Variants in IRS1 observed in about 807,000 individuals in gnomAD.
IRS1 encodes the protein insulin receptor substrate 1.
IRS1 carries 34 observed loss-of-function variants against 65.6 expected under a neutral mutation model. That is an observed-to-expected ratio of 0.52 (90% CI 0.39 to 0.69). IRS1 has a LOEUF of 0.69. IRS1 is among the 30% of genes least tolerant of loss of function. The pLI, the probability that IRS1 is intolerant of heterozygous loss-of-function variation, is 0.00. For synonymous variants in IRS1, 699 were observed against 683.5 expected (o/e 1.02, Z -0.35); for missense variants, 1,641 against 1,720.2 (o/e 0.95, Z 0.81).
rs1939707063 is a variant in IRS1, at chr2:226,795,779, C to T, written c.2960G>A (p.Gly987Asp). Residue 987 changes from glycine (G) to aspartate (D), a missense_variant, in exon 1 of 2, where the codon GGT becomes GAT. Around this residue, in one of 3 missense-constraint regions of IRS1, gnomAD observed 1,324 missense variants for 1,361.0 expected, o/e 0.97. Coordinates refer to ENST00000305123, the MANE Select transcript of IRS1 (RefSeq NM_005544.3). ...ACTCATCTGCATGGTCATGTAGTCACCCCGGCTGCTGGGCACTGCCCGGGT... is the reference window on the plus strand; with the variant it reads ...ACTCATCTGCATGGTCATGTAGTCATCCCGGCTGCTGGGCACTGCCCGGGT... Reference protein sequence around the residue: ...RPTRAVPSSRGDYMTMQMSCP... With the variant: ...RPTRAVPSSRDDYMTMQMSCP... 4 of 1,613,302 alleles carry T rather than the reference C, an allele frequency of 2.5e-6. No homozygotes were observed. The East Asian group carries it at 8.9e-5, about 36-fold the overall frequency.
chr2:226,769,880 C>T (rs1212416811), intron 1 of IRS1, among the ~76,000 whole-genome samples: 2 of 152,146 alleles, frequency 1.3e-5, no homozygotes, highest in East Asian at 3.9e-4. Context: ...CATTGATCGC[C>T]TTACTGCCAT....
At chr2:226,748,511 T>C (rs1415115587) in intron 1 of IRS1, among the ~76,000 whole-genome samples, 1 of 144,998 alleles carries the variant, frequency 6.9e-6, no homozygotes, top group Non-Finnish European at 1.5e-5. Flanking sequence ...CTTTAAAAAA[T>C]AAATTCACTT....
Position 226,795,112 on chromosome 2 carries a change from T to C in IRS1, c.3627A>G (p.Gln1209=). ...AGCTGCTCTCACCGCTGCCCAGGGG[T>C]TGATGAGGGGGTGGGGGTGGGGGAG... ...PQPPPPPPPH[Q]PLGSGESSST... is the part of the protein sequence containing the mutation. Residue 1209 remains glutamine, a synonymous_variant, in exon 1 of 2, where the codon CAA becomes CAG. Transcript: ENST00000305123. The C allele has an allele frequency of 7.0e-7, 1 of 1,430,596 alleles. No individual in the cohort carries two copies. Among genetic ancestry groups the C allele is most frequent in the Non-Finnish European group, 9.5e-7 (1 of 1,057,848 alleles). 88.6% of individuals were successfully genotyped at this position (1,430,596 alleles called of 1,614,324 possible). A position where few individuals can be genotyped will look rare whatever the true frequency, so the allele number is the denominator to read the frequency against.
At chr2:226,769,471 G>A (rs1249258905) in intron 1 of IRS1, among the ~76,000 whole-genome samples, 1 of 152,198 alleles carries the variant, frequency 6.6e-6, no homozygotes. Context: ...CAGGCCTGCA[G>A]CACCCCAAGG....
chr2:226,755,920 A>T (rs1938787582), intron 1 of IRS1, among the ~76,000 whole-genome samples: 1 of 152,258 alleles, frequency 6.6e-6, no homozygotes, highest in African/African-American at 2.4e-5. Flanking sequence ...GGAGAGAAGC[A>T]CGGATGAGCC....
At chr2:226,790,851 A>G (rs184190787) in intron 1 of IRS1, among the ~76,000 whole-genome samples, 4 of 152,300 alleles carry the variant, frequency 2.6e-5, no homozygotes, top group African/African-American at 7.2e-5. Flanking sequence ...TGGAGGGTAC[A>G]CAACACAAAT....
chr2:226,786,247 G>C (rs1019611412), intron 1 of IRS1, among the ~76,000 whole-genome samples: 3 of 151,854 alleles, frequency 2.0e-5, no homozygotes, highest in Non-Finnish European at 4.4e-5. Flanking sequence ...ATAGTCCTTT[G>C]GGTATATACC....
Position 226,799,377 on chromosome 2 carries a change from C to T in IRS1, c.-639G>A, listed in dbSNP as rs1375617421. The T allele has an allele frequency of 7.9e-7, 1 of 1,267,152 alleles. No individual in the cohort carries two copies. The highest frequency in any genetic ancestry group is 1.3e-5 in the South Asian group (1 of 77,432). The allele number at this position is 1,267,152 out of a possible 1,614,324, so 78.5% of individuals were successfully genotyped here. A position where few individuals can be genotyped will look rare whatever the true frequency, so the allele number is the denominator to read the frequency against. ...GCGGCTGTTGCTGTTGCTGCTGCTG[C>T]TGCTGCTGCTGCTGCCGCCGCCCGC... On this transcript the variant is annotated 5_prime_UTR_variant, in exon 1 of 2. Transcript: ENST00000305123. The surrounding 1 kb of genome is among the most constrained non-coding windows in gnomAD (Gnocchi z 6.1).
chr2:226,785,446 T>C (rs985666473), intron 1 of IRS1, among the ~76,000 whole-genome samples: 11 of 151,792 alleles, frequency 7.2e-5, no homozygotes, highest in Admixed American at 3.9e-4. Context: ...CTACTAAAAA[T>C]ACAAAAATTA....
intron 1 of IRS1, among the ~76,000 whole-genome samples, chr2:226,763,660 G>A (rs934271067): frequency 1.1e-4 from 16 of 152,112 alleles, no homozygotes; most frequent in Admixed American, 5.9e-4. Context: ...AGGTATCTAC[G>A]TATTCTGGCC....
rs992287699 is a variant in IRS1, at chr2:226,799,678, C to T, written c.-940G>A. ...CCCCTCCTCCCTCCTCCTCCTCCTC[C>T]TCGGAGAGTTGCCGAGAGCCCCAAC... On this transcript the variant is annotated 5_prime_UTR_variant, in exon 1 of 2. Transcript: ENST00000305123. This position sits in a 1 kb window ranked among gnomAD's most constrained non-coding sequence, Gnocchi z 6.1. 3.5e-5 allele frequency: 35 copies of T among 1,000,472 alleles called. No homozygotes were observed. The highest frequency in any genetic ancestry group is 4.1e-5 in the Non-Finnish European group (34 of 830,482). The allele number at this position is 1,000,472 out of a possible 1,614,324, so 62.0% of individuals were successfully genotyped here. A position where few individuals can be genotyped will look rare whatever the true frequency, so the allele number is the denominator to read the frequency against.
rs1249837068 is a variant in IRS1 at position 226,786,287 on chromosome 2, T to A, written c.*21+8702A>T. On this transcript the variant is annotated intron_variant, in intron 1 of 1. Coordinates refer to ENST00000305123, the MANE Select transcript of IRS1 (RefSeq NM_005544.3). Reference sequence around the variant, plus strand: ...AATGGGACGGCTGGGTCAAATGGTATTTGATCACTAGAAACTTTGTGAACC... The same window carrying A: ...AATGGGACGGCTGGGTCAAATGGTAATTGATCACTAGAAACTTTGTGAACC... 1.3e-5 allele frequency among the ~76,000 whole-genome samples: 2 copies of A among 152,140 alleles called. 1 individual carries two copies. The highest frequency in any genetic ancestry group is 4.8e-5 in the African/African-American group (2 of 41,404).
rs139131705 is a variant in IRS1, at chr2:226,749,768, G to A, written c.*22-13518C>T. Among the ~76,000 whole-genome samples the A allele has an allele frequency of 2.5e-4, 38 of 152,238 alleles. 1 individual carries two copies. The East Asian group carries it at 6.8e-3, about 27-fold the overall frequency. On this transcript the variant is annotated intron_variant, in intron 1 of 1. Coordinates refer to ENST00000305123, the MANE Select transcript of IRS1 (RefSeq NM_005544.3). ...AAGGAAGATGGTCCAATGACTATCC[G>A]AAAGATGCACCTGGATGAGTTATTC...
At position 226,797,560 on chromosome 2, in the gene IRS1, C is replaced by A. The variant is rs1939764413; in HGVS notation, c.1179G>T (p.Ser393=). ...SPSATSPVSL[S]SSSTSGHGST... The stretch of plus-strand genomic sequence containing the variant: ...AGCCATGGCCACTGGTGCTACTGGA[C>A]GACAGACTGACCGGGCTGGTGGCCG... The change falls in exon 1 of 2, where the codon TCG becomes TCT. Residue 393 remains serine (S), a synonymous_variant. Transcript: ENST00000305123. This position sits in a 1 kb window ranked among gnomAD's most constrained non-coding sequence, Gnocchi z 8.1. 1 of 1,602,250 alleles carries A rather than the reference C, an allele frequency of 6.2e-7. No homozygotes were observed. Among genetic ancestry groups the A allele is most frequent in the Non-Finnish European group, 8.5e-7 (1 of 1,175,652 alleles).
intron 1 of IRS1, among the ~76,000 whole-genome samples, chr2:226,766,154 TATATATA>T (rs1939039792): frequency 1.1e-4 from 2 of 17,584 alleles, no homozygotes; most frequent in Middle Eastern, 0.025. Flanking sequence ...TATATATATA[TATATATA>T]TATTTTTTTT....
At position 226,798,843 on chromosome 2, in the gene IRS1, G is replaced by A; in HGVS notation, c.-105C>T. 6.5e-7 allele frequency: 1 copy of A among 1,540,810 alleles called. No individual in the cohort carries two copies. Among genetic ancestry groups the A allele is most frequent in the Non-Finnish European group, 8.8e-7 (1 of 1,142,704 alleles). On this transcript the variant is annotated 5_prime_UTR_variant, in exon 1 of 2. Transcript: ENST00000305123. The surrounding 1 kb of genome is among the most constrained non-coding windows in gnomAD (Gnocchi z 9.4). ...GGCCCGGCACATGCAAACAGGGCTGGAGGCAGCAGAAACCCCGACTCTGAA... is the reference window on the plus strand; with the variant it reads ...GGCCCGGCACATGCAAACAGGGCTGAAGGCAGCAGAAACCCCGACTCTGAA...
chr2:226,794,890 G>C lies in IRS1; in HGVS notation c.*21+99C>G. 9.8e-7 allele frequency: 1 copy of C among 1,017,732 alleles called. No individual in the cohort carries two copies. 63.0% of individuals were successfully genotyped at this position (1,017,732 alleles called of 1,614,324 possible). A position where few individuals can be genotyped will look rare whatever the true frequency, so the allele number is the denominator to read the frequency against. ...ATGTAAGTGCATTCTCCCTGAGGAA[G>C]CAGTGGGAAAGAACAGGAAGGGGCA... is the stretch of plus-strand genomic sequence containing the variant. On this transcript the variant is annotated intron_variant, in intron 1 of 1. Transcript: ENST00000305123. The surrounding 1 kb of genome is among the most constrained non-coding windows in gnomAD (Gnocchi z 4.1).
intron 1 of IRS1, among the ~76,000 whole-genome samples, chr2:226,741,307 T>C (rs1207302585): frequency 6.6e-6 from 1 of 152,198 alleles, no homozygotes; most frequent in East Asian, 1.9e-4. Context: ...TGGTATTCCA[T>C]CCCTTTGCCA....
chr2:226,753,960 C>T (rs1319661984), intron 1 of IRS1, among the ~76,000 whole-genome samples: 2 of 152,118 alleles, frequency 1.3e-5, no homozygotes, highest in African/African-American at 2.4e-5. Flanking sequence ...TCAAACAATC[C>T]TCCCACCTCA....
Sources: allele counts gnomAD v4.1 joint callset (sites outside exome capture counted in the v4.1 genomes callset), GRCh38; gene constraint gnomAD v4.1.1; regional missense constraint gnomAD v4.1.1; non-coding constraint Gnocchi (gnomAD v3.1); transcripts MANE v1.5; gene names NCBI Gene and HGNC (gene_info 2026-07-23, HGNC 2026-07-21).